Variants in EXD3 observed in about 807,000 individuals in gnomAD.
EXD3 encodes the protein exonuclease mut-7 homolog.
In EXD3, 92 loss-of-function variants were observed where a neutral mutation model predicts 98.0. The ratio of observed to expected loss-of-function variants is 0.94; its 90% CI spans 0.79 to 1.12. The LOEUF is 1.12. Among genes scored for constraint, EXD3 ranks in the 50% most tolerant of loss-of-function variants. The probability of loss-of-function intolerance (pLI) is 0.00; values close to 1 mark genes in which losing one functional copy is unlikely to be tolerated. For missense variants in EXD3, 1,222 were observed against 1,191.6 expected, an observed-to-expected ratio of 1.03 and a Z score of -0.38; for synonymous variants, 569 against 526.0, an observed-to-expected ratio of 1.08 and a Z score of -1.12.
chr9:137,373,275 G>T, intron 4 of EXD3, 151 bp downstream of exon 4: 1 of 922,650 alleles, frequency 1.1e-6, no homozygotes, highest in East Asian at 3.3e-5. Flanking sequence ...GAAGCCACGG[G>T]CTGAGTCTTG....
chr9:137,355,621 G>GGAA (rs1564508880), intron 8 of EXD3, among the ~76,000 whole-genome samples: 2 of 3,846 alleles, frequency 5.2e-4, no homozygotes, highest in Non-Finnish European at 8.9e-4. Context: ...GAAGGAGGAA[G>GGAA]GGAGGATGGA....
intron 17 of EXD3, among the ~76,000 whole-genome samples, chr9:137,335,105 A>C (rs1833287120): frequency 6.6e-6 from 1 of 151,934 alleles, no homozygotes; most frequent in Non-Finnish European, 1.5e-5. Context: ...AAACAAAATA[A>C]AAACAAATAG....
Position 137,307,529 on chromosome 9 carries a change from G to A in EXD3, c.2317+79C>T, listed in dbSNP as rs764615901. 135 of 1,550,714 alleles carry A rather than the reference G, an allele frequency of 8.7e-5. 1 individual carries two copies. In the South Asian group the frequency reaches 1.5e-3, roughly 17 times the overall value. On this transcript the variant is annotated intron_variant, in intron 21 of 21. Coordinates refer to ENST00000340951, the MANE Select transcript of EXD3 (RefSeq NM_017820.5). ...CCCCCTCTGCCCGGCCGGGACCCAA[G>A]TCCCCCATTCTGGGGGAAGCCTGGC...
chr9:137,314,872 G>A (rs1008375979), intron 19 of EXD3, among the ~76,000 whole-genome samples: 1 of 152,350 alleles, frequency 6.6e-6, no homozygotes, highest in Admixed American at 6.5e-5. Flanking sequence ...CGGAGGCCGG[G>A]TCTGGGCACA....
chr9:137,400,941 G>T (rs1052788441), intron 1 of EXD3, among the ~76,000 whole-genome samples: 5 of 152,046 alleles, frequency 3.3e-5, no homozygotes, highest in African/African-American at 1.2e-4. Flanking sequence ...CCATGGTCTT[G>T]GGCAGCTCCA....
Position 137,398,518 on chromosome 9 carries a change from TGTCCCCAAGACACACAGGCAACCGC to T in EXD3, c.-47-3139_-47-3115del, listed in dbSNP as rs1207328435. Among the ~76,000 whole-genome samples, 650 of 145,766 alleles carry T rather than the reference TGTCCCCAAGACACACAGGCAACCGC, an allele frequency of 4.5e-3. 32 individuals carry two copies. Among genetic ancestry groups the T allele is most frequent in the African/African-American group, 0.015 (578 of 38,654 alleles). ...CGTCCCCATGACACATGTGCACCCA[TGTCCCCAAGACACACAGGCAACCGC>T]GTCCCCAAGACACACAGGCAACCGC... On this transcript the variant is annotated intron_variant, in intron 1 of 21. Coordinates refer to ENST00000340951, the MANE Select transcript of EXD3 (RefSeq NM_017820.5).
At chr9:137,322,329 C>T (rs1003008917) in intron 19 of EXD3, among the ~76,000 whole-genome samples, 5 of 152,184 alleles carry the variant, frequency 3.3e-5, no homozygotes, top group East Asian at 1.9e-4. Context: ...GCTCTGCCGA[C>T]GCCTCACCCT....
intron 8 of EXD3, among the ~76,000 whole-genome samples, chr9:137,355,467 AG>A (rs528204388): frequency 3.6e-4 from 46 of 127,460 alleles, no homozygotes; most frequent in Non-Finnish European, 6.2e-4. Context: ...AGGAGAAAGG[AG>A]GAAGGAGGAA....
chr9:137,336,200 A>G (rs1054482733), intron 17 of EXD3, among the ~76,000 whole-genome samples: 3 of 152,162 alleles, frequency 2.0e-5, no homozygotes, highest in Non-Finnish European at 2.9e-5. Context: ...AATATATACC[A>G]TTTGGGTGAC....
Position 137,356,324 on chromosome 9 carries a change from G to C in EXD3, c.701C>G (p.Pro234Arg). 2 of 1,604,842 alleles carry C rather than the reference G, an allele frequency of 1.2e-6. No homozygotes were observed. The highest frequency in any genetic ancestry group is 8.5e-7 in the Non-Finnish European group (1 of 1,176,166). ...CAAGACCTGCCTGCTCAGCGCCTTC[G>C]GACTCAGCTTCTCCAGGCTCAAGGA... ...VTSLSLEKLS[P>R]KALSRQVLRL... The change falls in exon 8 of 22, where the codon CCG becomes CGG. Residue 234 changes from proline to arginine, a missense_variant. Physicochemically the swap from Pro to Arg is moderately radical, Grantham distance 103 (BLOSUM62 -2). Coordinates refer to ENST00000340951, the MANE Select transcript of EXD3 (RefSeq NM_017820.5).
intron 17 of EXD3, among the ~76,000 whole-genome samples, chr9:137,330,042 AG>A (rs1304012088): frequency 5.8e-5 from 8 of 136,822 alleles, no homozygotes; most frequent in East Asian, 2.5e-4. Context: ...ACTACACCGG[AG>A]CTACACGGGA....
chr9:137,369,782 C>T (rs567407491), intron 5 of EXD3, among the ~76,000 whole-genome samples: 42 of 152,216 alleles, frequency 2.8e-4, no homozygotes, highest in Non-Finnish European at 3.8e-4. Flanking sequence ...GTGTCCCGCA[C>T]GCTGCGACCC....
At chr9:137,394,942 C>T (rs1240359111) in intron 2 of EXD3, among the ~76,000 whole-genome samples, 1 of 152,088 alleles carries the variant, frequency 6.6e-6, no homozygotes, top group Non-Finnish European at 1.5e-5. Flanking sequence ...GTGTTCCGGG[C>T]CCTCCGCCTG....
chr9:137,398,941 C>T (rs183654295), intron 1 of EXD3, among the ~76,000 whole-genome samples: 199 of 151,744 alleles, frequency 1.3e-3, no homozygotes, highest in African/African-American at 4.1e-3. Context: ...CATGTGCACC[C>T]GCGTCCCCAA....
chr9:137,417,907 C>T (rs1215573849), intron 1 of EXD3, among the ~76,000 whole-genome samples: 1 of 151,746 alleles, frequency 6.6e-6, no homozygotes, highest in East Asian at 1.9e-4. Context: ...GAGGGGCTGG[C>T]GGGGCCGGAG....
rs776316493 is a variant in EXD3 at position 137,356,380 on chromosome 9, G to A, written c.657-12C>T. On this transcript the variant is annotated splice_polypyrimidine_tract_variant and intron_variant, in intron 7 of 21. Coordinates refer to ENST00000340951, the MANE Select transcript of EXD3 (RefSeq NM_017820.5). ...CCTCAGGGTACCGTCTGTGGGGAGA[G>A]AGAGGCACAGCCTCTGTTGCTGTTT... 2.0e-6 allele frequency: 3 copies of A among 1,520,154 alleles called. No individual in the cohort carries two copies. Among genetic ancestry groups the A allele is most frequent in the South Asian group, 1.2e-5 (1 of 85,708 alleles). The allele number at this position is 1,520,154 out of a possible 1,614,324, so 94.2% of individuals were successfully genotyped here.
At chr9:137,356,164 G>A (rs1834774997) in intron 8 of EXD3, 104 bp downstream of exon 8, 1 of 850,216 alleles carries the variant, frequency 1.2e-6, no homozygotes, top group Admixed American at 2.3e-5. Context: ...GTTGGTCTTG[G>A]TTGGCACCTG....
chr9:137,314,918 C>T (rs1008852107), intron 19 of EXD3, among the ~76,000 whole-genome samples: 6 of 152,194 alleles, frequency 3.9e-5, no homozygotes, highest in Non-Finnish European at 7.3e-5. Flanking sequence ...CGCGGGGAGA[C>T]GTCTCTCAGA....
Position 137,309,707 on chromosome 9 carries a change from G to C in EXD3, c.2185-7C>G. 1 of 1,550,610 alleles carries C rather than the reference G, an allele frequency of 6.4e-7. No homozygotes were observed. Among genetic ancestry groups the C allele is most frequent in the Non-Finnish European group, 8.7e-7 (1 of 1,147,014 alleles). On this transcript the variant is annotated splice_polypyrimidine_tract_variant and splice_region_variant and intron_variant, in intron 19 of 21. Transcript: ENST00000340951. ...ACTGGTCACAGTTACAGGCCTGGGG[G>C]CCAGAGGGGGTGCTGAGGCCCAGGC...
Sources: allele counts gnomAD v4.1 joint callset (sites outside exome capture counted in the v4.1 genomes callset), GRCh38; gene constraint gnomAD v4.1.1; transcripts MANE v1.5; gene names NCBI Gene and HGNC (gene_info 2026-07-23, HGNC 2026-07-21).